RALYL: variants seen among roughly 807,000 people sequenced by gnomAD.
The protein encoded by RALYL is RNA-binding Raly-like protein.
A neutral mutation model predicts 35.1 loss-of-function variants in RALYL; 29 were observed. The ratio of observed to expected loss-of-function variants is 0.83; its 90% CI spans 0.61 to 1.13. The LOEUF is 1.13. Among genes scored for constraint, RALYL ranks in the 50% most tolerant of loss-of-function variants. The pLI is 0.00. For synonymous variants in RALYL, 120 were observed against 127.6 expected (o/e 0.94, Z 0.40); for missense variants, 359 against 360.4 (o/e 1.00, Z 0.03).
chr8:84,750,231 A>G (rs1809634348), intron 2 of RALYL, among the ~76,000 whole-genome samples: 1 of 152,210 alleles, frequency 6.6e-6, no homozygotes, highest in Non-Finnish European at 1.5e-5. Context: ...GTTAAAGAGA[A>G]GAATTATTTC....
At chr8:84,238,598 G>C (rs1246475520) in intron 1 of RALYL, among the ~76,000 whole-genome samples, 2 of 152,060 alleles carry the variant, frequency 1.3e-5, no homozygotes, top group Non-Finnish European at 2.9e-5. Context: ...GAAATTCATG[G>C]TGAACCTGGT....
At chr8:84,272,769 C>A (rs188188871) in intron 1 of RALYL, among the ~76,000 whole-genome samples, 23 of 152,268 alleles carry the variant, frequency 1.5e-4, no homozygotes, top group Admixed American at 7.2e-4. Flanking sequence ...AAAATTAGCA[C>A]TTTGCTTGAT....
chr8:84,897,278 T>C lies in RALYL; in HGVS notation c.858+9502T>C, dbSNP rs577652254. Among the ~76,000 whole-genome samples the C allele has an allele frequency of 2.6e-5, 4 of 152,330 alleles. No individual in the cohort carries two copies. The South Asian group carries it at 8.3e-4, about 32-fold the overall frequency. On this transcript the variant is annotated intron_variant, in intron 8 of 8. Transcript: ENST00000521268. ...TCATCTCATTTTGCCAGTGAAGCTT[T>C]CAATAAAACATTACATTCCTAGCAA...
At chr8:84,347,884 T>G (rs754253279) in intron 1 of RALYL, among the ~76,000 whole-genome samples, 37 of 152,194 alleles carry the variant, frequency 2.4e-4, no homozygotes, top group Middle Eastern at 3.4e-3. Context: ...AATTCATGAG[T>G]TGGGCAGCAC....
intron 4 of RALYL, among the ~76,000 whole-genome samples, chr8:84,825,667 A>T (rs1829517848): frequency 6.6e-6 from 1 of 152,162 alleles, no homozygotes; most frequent in African/African-American, 2.4e-5. Context: ...CAGGAGTTCA[A>T]GCCCAGCCTG....
chr8:84,349,435 A>G lies in RALYL; in HGVS notation c.-24+165011A>G, dbSNP rs530857468. ...TGAACAAGGGGAAGAGCTGAAATCC[A>G]AACACACATCAGTCTTTGACTAAAT... On this transcript the variant is annotated intron_variant, in intron 1 of 8. Transcript: ENST00000521268. Among the ~76,000 whole-genome samples, 3 of 150,432 alleles carry G rather than the reference A, an allele frequency of 2.0e-5. No homozygotes were observed. The South Asian group carries it at 6.2e-4, about 31-fold the overall frequency.
intron 1 of RALYL, among the ~76,000 whole-genome samples, chr8:84,325,325 A>C (rs1845606780): frequency 6.6e-6 from 1 of 152,174 alleles, no homozygotes; most frequent in Non-Finnish European, 1.5e-5. Flanking sequence ...CCTGATTCTT[A>C]ATAAATTTAC....
intron 2 of RALYL, among the ~76,000 whole-genome samples, chr8:84,701,576 G>A (rs1052850904): frequency 1.3e-5 from 2 of 152,054 alleles, no homozygotes; most frequent in South Asian, 2.1e-4. Context: ...CTAATAATTC[G>A]ATACATTTGA....
At chr8:84,578,639 G>A (rs1384531901) in intron 2 of RALYL, among the ~76,000 whole-genome samples, 1 of 152,270 alleles carries the variant, frequency 6.6e-6, no homozygotes, top group East Asian at 1.9e-4. Flanking sequence ...GCAGAAAGGA[G>A]ACCCAAAGTG....
intron 2 of RALYL, among the ~76,000 whole-genome samples, chr8:84,610,733 T>G (rs1818122672): frequency 1.3e-5 from 2 of 152,156 alleles, no homozygotes; most frequent in African/African-American, 4.8e-5. Flanking sequence ...CAGTATGGAA[T>G]GATGGGTATT....
chr8:84,305,024 G>T (rs1395303218), intron 1 of RALYL, among the ~76,000 whole-genome samples: 1 of 152,048 alleles, frequency 6.6e-6, no homozygotes, highest in African/African-American at 2.4e-5. Context: ...TACAGAGCTG[G>T]TTTGTCACAA....
At chr8:84,410,801 AC>A (rs976307193) in intron 1 of RALYL, among the ~76,000 whole-genome samples, 4 of 151,700 alleles carry the variant, frequency 2.6e-5, no homozygotes, top group African/African-American at 7.2e-5. Flanking sequence ...GGAAAATATT[AC>A]CCCAAATTTA....
chr8:84,194,111 G>A (rs2130908901), intron 1 of RALYL, among the ~76,000 whole-genome samples: 1 of 152,282 alleles, frequency 6.6e-6, no homozygotes, highest in East Asian at 1.9e-4. Context: ...ATCGTCAAAT[G>A]GTGAATAAAT....
At chr8:84,877,686 TC>T (rs1340140672) in intron 7 of RALYL, among the ~76,000 whole-genome samples, 1 of 152,104 alleles carries the variant, frequency 6.6e-6, no homozygotes, top group Non-Finnish European at 1.5e-5. Context: ...TATCAACAGT[TC>T]CTTTAGTTGC....
At chr8:84,284,152 T>C (rs542345263) in intron 1 of RALYL, among the ~76,000 whole-genome samples, 2 of 152,208 alleles carry the variant, frequency 1.3e-5, no homozygotes, top group East Asian at 1.9e-4. Context: ...TATGATAAAC[T>C]CTGGACAAAG....
intron 1 of RALYL, among the ~76,000 whole-genome samples, chr8:84,255,570 G>A (rs1370517555): frequency 6.6e-6 from 1 of 152,108 alleles, no homozygotes; most frequent in Non-Finnish European, 1.5e-5. Context: ...GGACCAGTGG[G>A]TGCAGAGATT....
chr8:84,487,573 C>A (rs1162765734), intron 1 of RALYL, among the ~76,000 whole-genome samples: 1 of 152,008 alleles, frequency 6.6e-6, no homozygotes, highest in Non-Finnish European at 1.5e-5. Flanking sequence ...AATCACAGAA[C>A]AAATATGGCC....
Position 84,887,749 on chromosome 8 carries a change from C to T in RALYL, c.831C>T (p.Asp277=). ...GEEMTDGIEE[D]FDEDGGHELF... is the part of the protein sequence containing the mutation. Reference sequence around the variant, plus strand: ...AGATGACAGATGGGATAGAGGAGGACTTCGATGAAGATGGGGGTCATGAGC... The same window carrying T: ...AGATGACAGATGGGATAGAGGAGGATTTCGATGAAGATGGGGGTCATGAGC... The change falls in exon 8 of 9, where the codon GAC becomes GAT. Residue 277 remains aspartate (D), a synonymous_variant. Transcript: ENST00000521268. The T allele has an allele frequency of 6.2e-7, 1 of 1,613,558 alleles. No individual in the cohort carries two copies. The highest frequency in any genetic ancestry group is 8.5e-7 in the Non-Finnish European group (1 of 1,179,672).
At chr8:84,814,635 A>T (rs939510225) in intron 4 of RALYL, among the ~76,000 whole-genome samples, 1 of 152,188 alleles carries the variant, frequency 6.6e-6, no homozygotes, top group Non-Finnish European at 1.5e-5. Context: ...TGGAAAAAAA[A>T]ACTGTCAAAG....
Sources: gnomAD v4.1 joint callset for allele counts (sites outside exome capture counted in the v4.1 genomes callset) on GRCh38, gnomAD v4.1.1 for gene constraint, MANE v1.5 for transcripts, NCBI Gene and HGNC (gene_info 2026-07-23, HGNC 2026-07-21) for gene names.